Variants in CDH13 observed in about 807,000 individuals in gnomAD.
CDH13 encodes cadherin-13.
CDH13 carries 24 observed loss-of-function variants against 63.8 expected under a neutral mutation model. That is an observed-to-expected ratio of 0.38 (90% CI 0.27 to 0.53). The LOEUF is 0.53. CDH13 is among the 20% of genes least tolerant of loss of function. The pLI, the probability that CDH13 is intolerant of heterozygous loss-of-function variation, is 0.85. For synonymous variants in CDH13, 503 were observed against 355.3 expected (o/e 1.42, Z -4.67); for missense variants, 1,049 against 903.1 (o/e 1.16, Z -2.07).
intron 5 of CDH13, among the ~76,000 whole-genome samples, chr16:83,322,569 T>TG (rs151143746): frequency 0.019 from 2,813 of 152,044 alleles, 93 homozygotes; most frequent in African/African-American, 0.061. Flanking sequence ...GAGGTTCTTA[T>TG]GGGGGGGTGC....
chr16:83,313,448 C>A (rs1451718732), intron 5 of CDH13, among the ~76,000 whole-genome samples: 2 of 152,092 alleles, frequency 1.3e-5, no homozygotes, highest in Non-Finnish European at 2.9e-5. Flanking sequence ...AGAAATCTAA[C>A]AACTGCCTTT....
chr16:83,633,424 T>C (rs1910958483), intron 8 of CDH13, among the ~76,000 whole-genome samples: 1 of 152,202 alleles, frequency 6.6e-6, no homozygotes, highest in Non-Finnish European at 1.5e-5. Flanking sequence ...GTTTTGAACA[T>C]ATTGACATCA....
At chr16:82,841,314 GC>G (rs1362983946) in intron 1 of CDH13, among the ~76,000 whole-genome samples, 3 of 152,208 alleles carry the variant, frequency 2.0e-5, no homozygotes, top group Non-Finnish European at 4.4e-5. Flanking sequence ...GTGCTTGCTT[GC>G]CCTTGGAACA....
intron 4 of CDH13, among the ~76,000 whole-genome samples, chr16:83,216,900 C>T (rs2039551973): frequency 6.6e-6 from 1 of 151,930 alleles, no homozygotes. Flanking sequence ...GTAGAAGTGA[C>T]AGGGCAGGTG....
intron 1 of CDH13, among the ~76,000 whole-genome samples, chr16:82,766,003 G>C (rs2035041498): frequency 6.6e-6 from 1 of 152,178 alleles, no homozygotes; most frequent in African/African-American, 2.4e-5. Flanking sequence ...AAGCTTAATA[G>C]AGAAATCTAC....
chr16:83,615,990 T>C (rs1909249364), intron 8 of CDH13, among the ~76,000 whole-genome samples: 1 of 152,158 alleles, frequency 6.6e-6, no homozygotes, highest in African/African-American at 2.4e-5. Flanking sequence ...CGTTCAAATA[T>C]CGGAGGCCCT....
intron 1 of CDH13, among the ~76,000 whole-genome samples, chr16:82,815,677 G>T (rs1211056153): frequency 6.6e-6 from 1 of 152,036 alleles, no homozygotes; most frequent in African/African-American, 2.4e-5. Context: ...TCTCCACAGG[G>T]CTCTGTTATT....
chr16:83,191,462 T>TAGATATAGAG (rs768560727), intron 4 of CDH13, among the ~76,000 whole-genome samples: 1 of 105,566 alleles, frequency 9.5e-6, no homozygotes, highest in Non-Finnish European at 1.9e-5. Context: ...ATAGGAAATA[T>TAGATATAGAG]ATATATATAT....
At chr16:83,600,933 C>G (rs1053786151) in intron 7 of CDH13, among the ~76,000 whole-genome samples, 1 of 152,088 alleles carries the variant, frequency 6.6e-6, no homozygotes, top group Non-Finnish European at 1.5e-5. Flanking sequence ...GATGCAGGGT[C>G]TTCTTCTGCA....
intron 2 of CDH13, among the ~76,000 whole-genome samples, chr16:82,905,265 A>T (rs557846622): frequency 3.9e-5 from 6 of 152,214 alleles, no homozygotes; most frequent in Admixed American, 1.3e-4. Flanking sequence ...ACTGAGGTTA[A>T]GAGGTTAAGC....
chr16:82,834,092 G>C (rs1289469543), intron 1 of CDH13, among the ~76,000 whole-genome samples: 1 of 152,080 alleles, frequency 6.6e-6, no homozygotes, highest in East Asian at 1.9e-4. Flanking sequence ...AGATATGATT[G>C]CTTTGTATTT....
At chr16:82,726,016 C>T (rs1017022204) in intron 1 of CDH13, among the ~76,000 whole-genome samples, 10 of 152,166 alleles carry the variant, frequency 6.6e-5, no homozygotes, top group South Asian at 2.1e-4. Flanking sequence ...TCAAGCAGTC[C>T]GTGATGGTGA....
chr16:83,305,005 C>A (rs1415738359), intron 5 of CDH13, among the ~76,000 whole-genome samples: 2 of 152,200 alleles, frequency 1.3e-5, no homozygotes, highest in Non-Finnish European at 2.9e-5. Context: ...TTGCAATGAG[C>A]CATATACGCA....
intron 1 of CDH13, among the ~76,000 whole-genome samples, chr16:82,659,711 C>G (rs1323883367): frequency 6.6e-6 from 1 of 152,094 alleles, no homozygotes; most frequent in Admixed American, 6.5e-5. Context: ...CTCATGAAAA[C>G]GTCATGACAA....
chr16:82,866,686 C>G (rs776361137), intron 2 of CDH13, among the ~76,000 whole-genome samples: 13 of 152,080 alleles, frequency 8.5e-5, no homozygotes, highest in Non-Finnish European at 1.8e-4. Context: ...GTTCAATTGA[C>G]TCACAGTTCA....
chr16:82,910,658 C>A (rs539170429), intron 2 of CDH13, among the ~76,000 whole-genome samples: 171 of 152,314 alleles, frequency 1.1e-3, no homozygotes, highest in Non-Finnish European at 2.0e-3. Context: ...TCTCAAACCA[C>A]TAAACAGGCC....
At chr16:83,518,106 T>G (rs1012037532) in intron 7 of CDH13, among the ~76,000 whole-genome samples, 6 of 151,966 alleles carry the variant, frequency 3.9e-5, no homozygotes, top group African/African-American at 1.5e-4. Context: ...CTCATGCTGT[T>G]CTCATGATAA....
intron 2 of CDH13, among the ~76,000 whole-genome samples, chr16:82,899,647 C>T (rs1338642935): frequency 2.6e-5 from 4 of 151,850 alleles, no homozygotes; most frequent in Non-Finnish European, 5.9e-5. Flanking sequence ...ATGGATTTGG[C>T]CTTATAGTTT....
intron 4 of CDH13, among the ~76,000 whole-genome samples, chr16:83,143,480 G>A (rs775963427): frequency 1.3e-5 from 2 of 152,130 alleles, no homozygotes; most frequent in Non-Finnish European, 2.9e-5. Context: ...ATAGTTTCTT[G>A]TAGATAAATA....
Sources: allele counts gnomAD v4.1 joint callset (sites outside exome capture counted in the v4.1 genomes callset), GRCh38; gene constraint gnomAD v4.1.1; transcripts MANE v1.5; gene names NCBI Gene and HGNC (gene_info 2026-07-23, HGNC 2026-07-21).